AXIN1: variants seen among roughly 807,000 people sequenced by gnomAD.
AXIN1 encodes axin 1.
AXIN1 carries 30 observed loss-of-function variants against 76.4 expected under a neutral mutation model. That is an observed-to-expected ratio of 0.39 (90% CI 0.29 to 0.53). The LOEUF is 0.53. AXIN1 is among the 20% of genes least tolerant of loss of function. The probability of loss-of-function intolerance (pLI) is 0.66; values close to 1 mark genes in which losing one functional copy is unlikely to be tolerated. For synonymous variants in AXIN1, 545 were observed against 501.4 expected (o/e 1.09, Z -1.16); for missense variants, 1,140 against 1,198.8 (o/e 0.95, Z 0.72).
chr16:336,046 C>T (rs781725622), intron 2 of AXIN1, among the ~76,000 whole-genome samples: 8 of 152,034 alleles, frequency 5.3e-5, no homozygotes, highest in Non-Finnish European at 1.2e-4. Flanking sequence ...ACCAGCCTGG[C>T]CAACATGGTA....
At position 287,818 on chromosome 16, in the gene AXIN1, G is replaced by T. The variant is rs1047194052; in HGVS notation, c.*304C>A. 2 of 501,486 alleles carry T rather than the reference G, an allele frequency of 4.0e-6. No homozygotes were observed. Among genetic ancestry groups the T allele is most frequent in the Non-Finnish European group, 7.3e-6 (2 of 274,176 alleles). The allele number at this position is 501,486 out of a possible 1,614,324, so 31.1% of individuals were successfully genotyped here. On this transcript the variant is annotated 3_prime_UTR_variant, in exon 11 of 11. Coordinates refer to ENST00000262320, the MANE Select transcript of AXIN1 (RefSeq NM_003502.4). ...CCCAGCACACGTGCCCAAGGGAGGTGCCGGGGGATGGGGGGGGGTCACCTG... is the reference window on the plus strand; with the variant it reads ...CCCAGCACACGTGCCCAAGGGAGGTTCCGGGGGATGGGGGGGGGTCACCTG...
In AXIN1 at chr16:334,652, C is replaced by A. The variant is rs1445486283; in HGVS notation, c.878+11496G>T. On this transcript the variant is annotated intron_variant, in intron 2 of 10. Coordinates refer to ENST00000262320, the MANE Select transcript of AXIN1 (RefSeq NM_003502.4). ...AGCACAGCACGCCAATAATGCAGCA[C>A]CCAGTACCATGGCATGCTAATTACA... 3.3e-5 allele frequency among the ~76,000 whole-genome samples: 5 copies of A among 150,904 alleles called. 1 individual carries two copies. The highest frequency in any genetic ancestry group is 1.2e-4 in the African/African-American group (5 of 40,858).
chr16:319,490 C>G (rs1370304957), intron 2 of AXIN1, among the ~76,000 whole-genome samples: 1 of 152,174 alleles, frequency 6.6e-6, no homozygotes, highest in Non-Finnish European at 1.5e-5. Flanking sequence ...GGTTTGACAG[C>G]TACAAGGACC....
intron 2 of AXIN1, among the ~76,000 whole-genome samples, chr16:337,623 C>A (rs2053833547): frequency 6.6e-6 from 1 of 152,180 alleles, no homozygotes; most frequent in Non-Finnish European, 1.5e-5. Context: ...TGCCAGGACA[C>A]CCGGACGCCC....
At chr16:309,127 G>A (rs574631351) in intron 4 of AXIN1, among the ~76,000 whole-genome samples, 1 of 152,092 alleles carries the variant, frequency 6.6e-6, no homozygotes, top group Non-Finnish European at 1.5e-5. Context: ...TCAGGAGATC[G>A]AGACCATCCT....
rs2141513741 is a variant in AXIN1, at chr16:298,058, C to T, written c.1448G>A (p.Gly483Asp). The stretch of plus-strand genomic sequence containing the variant: ...ATGGCCAGGCCCAGGCGACTGGCGG[C>T]CAGGTGTCCTCAGCACACGCTGTAC... ...EHVQRVLRTP[G>D]RQSPGPGHRS... Residue 483 changes from glycine to aspartate, a missense_variant, in exon 6 of 11, where the codon GGC (glycine) becomes GAC (aspartate). Around this residue, in one of 3 missense-constraint regions of AXIN1, gnomAD observed 708 missense variants for 776.9 expected, o/e 0.91. Coordinates refer to ENST00000262320, the MANE Select transcript of AXIN1 (RefSeq NM_003502.4). The T allele has an allele frequency of 6.3e-7, 1 of 1,575,598 alleles. No homozygotes were observed. The highest frequency in any genetic ancestry group is 2.3e-5 in the East Asian group (1 of 42,992).
chr16:351,755 T>A (rs1284091455), intron 1 of AXIN1, among the ~76,000 whole-genome samples: 1 of 151,250 alleles, frequency 6.6e-6, no homozygotes, highest in African/African-American at 2.4e-5. Context: ...AAAATATATA[T>A]ATATATATCT....
intron 2 of AXIN1, among the ~76,000 whole-genome samples, chr16:316,639 G>T (rs970478092): frequency 4.6e-5 from 7 of 152,082 alleles, no homozygotes; most frequent in Non-Finnish European, 1.0e-4. Context: ...CTTTACAGGG[G>T]GTTTATCACA....
chr16:341,769 G>A (rs1313171289), intron 2 of AXIN1, among the ~76,000 whole-genome samples: 3 of 152,346 alleles, frequency 2.0e-5, no homozygotes, highest in East Asian at 3.9e-4. Flanking sequence ...TACACCAATC[G>A]GCACTCTGTA....
At chr16:294,738 G>C (rs1382854950) in intron 7 of AXIN1, among the ~76,000 whole-genome samples, 3 of 129,844 alleles carry the variant, frequency 2.3e-5, no homozygotes, top group Non-Finnish European at 4.8e-5. Context: ...CTGAGCCACA[G>C]GAGCGAAACC....
intron 2 of AXIN1, among the ~76,000 whole-genome samples, chr16:320,493 G>A (rs1036325923): frequency 1.3e-5 from 2 of 152,112 alleles, no homozygotes; most frequent in African/African-American, 4.8e-5. Flanking sequence ...ATGCTTCGCT[G>A]TGATGGTTTC....
At position 346,398 on chromosome 16, in the gene AXIN1, A is replaced by G. The variant is rs1218619894; in HGVS notation, c.628T>C (p.Tyr210His). 24 of 1,614,024 alleles carry G rather than the reference A, an allele frequency of 1.5e-5. No individual in the cohort carries two copies. The highest frequency in any genetic ancestry group is 2.7e-5 in the African/African-American group (2 of 74,916). Residue 210 changes from tyrosine to histidine, a missense_variant, in exon 2 of 11, where the codon TAT becomes CAT. By Grantham distance (83) the Tyr-to-His change is moderately conservative (BLOSUM62 2). Around this residue, in one of 3 missense-constraint regions of AXIN1, gnomAD observed 708 missense variants for 776.9 expected, o/e 0.91. Coordinates refer to ENST00000262320, the MANE Select transcript of AXIN1 (RefSeq NM_003502.4). ...GGGCTCTCCGAGCCTGTCCTCGTAT[A>G]TTCCAAATAAATATCAGACTTAAGG... The part of the protein sequence containing the change: ...SFLKSDIYLE[Y>H]TRTGSESPKV...
At position 320,074 on chromosome 16, in the gene AXIN1, G is replaced by A. The variant is rs183689839; in HGVS notation, c.879-5391C>T. Among the ~76,000 whole-genome samples, 79 of 152,204 alleles carry A rather than the reference G, an allele frequency of 5.2e-4. No individual in the cohort carries two copies. The South Asian group carries it at 6.4e-3, about 12-fold the overall frequency. On this transcript the variant is annotated intron_variant, in intron 2 of 10. Transcript: ENST00000262320. ...ACCTGCCTCTTCCCAGGCCGCATGA[G>A]AACCTCAGAACCGACAGCCCCCCAC...
intron 2 of AXIN1, among the ~76,000 whole-genome samples, chr16:339,490 G>A (rs113942687): frequency 0.026 from 3,652 of 141,960 alleles, 155 homozygotes; most frequent in African/African-American, 0.092. Flanking sequence ...CAGCCTTGGC[G>A]ATAGAGCGAG....
rs146518064 is a variant in AXIN1 at position 345,937 on chromosome 16, G to C, written c.878+211C>G. ...CTCATAAAGTCATATATTTTAGTCT[G>C]TTCTCAGTAAAAGTGTTCTCAACAT... is the stretch of plus-strand genomic sequence containing the variant. On this transcript the variant is annotated intron_variant, in intron 2 of 10. Transcript: ENST00000262320. 5.0e-3 allele frequency among the ~76,000 whole-genome samples: 769 copies of C among 152,328 alleles called. 5 individuals are homozygous for C. Among genetic ancestry groups the C allele is most frequent in the Non-Finnish European group, 8.2e-3 (559 of 68,024 alleles).
chr16:302,735 A>C (rs2052907452), intron 5 of AXIN1, among the ~76,000 whole-genome samples: 1 of 152,218 alleles, frequency 6.6e-6, no homozygotes, highest in Non-Finnish European at 1.5e-5. Flanking sequence ...TTTTACATCA[A>C]GGATCAGGTG....
At chr16:322,410 G>A (rs2053479314) in intron 2 of AXIN1, among the ~76,000 whole-genome samples, 1 of 152,200 alleles carries the variant, frequency 6.6e-6, no homozygotes, top group Non-Finnish European at 1.5e-5. Flanking sequence ...CTGTGCTCAG[G>A]TATGGGGACA....
chr16:352,228 A>T, intron 1 of AXIN1, 141 bp downstream of exon 1: 1 of 437,834 alleles, frequency 2.3e-6, no homozygotes, highest in Non-Finnish European at 3.0e-6. Context: ...CCCGCTGCCC[A>T]GGGACACCCC....
In AXIN1 at chr16:298,205, G is replaced by A. The variant is rs750617218; in HGVS notation, c.1301C>T (p.Pro434Leu). 3.1e-5 allele frequency: 48 copies of A among 1,540,804 alleles called. No individual in the cohort carries two copies. The highest frequency in any genetic ancestry group is 3.9e-5 in the Non-Finnish European group (45 of 1,147,158). Residue 434 changes from proline to leucine, a missense_variant, in exon 6 of 11, where the codon CCG becomes CTG. Pro to Leu is a moderately conservative substitution (Grantham distance 98). Coordinates refer to ENST00000262320, the MANE Select transcript of AXIN1 (RefSeq NM_003502.4). The stretch of plus-strand genomic sequence containing the variant: ...GGGGGCGGGAGGCAGCTTGTGACAC[G>A]GCCCTGGGGGCCCTGACGATGGATC... The part of the protein sequence containing the change: ...DGDPSSGPPG[P>L]CHKLPPAPAW...
Sources: allele counts gnomAD v4.1 joint callset (sites outside exome capture counted in the v4.1 genomes callset), GRCh38; gene constraint gnomAD v4.1.1; regional missense constraint gnomAD v4.1.1; transcripts MANE v1.5; gene names NCBI Gene and HGNC (gene_info 2026-07-23, HGNC 2026-07-21).